Variants in ABI3 observed in about 807,000 individuals in gnomAD.
ABI3 encodes ABI gene family member 3.
Under a neutral mutation model 37.0 loss-of-function variants are expected in ABI3, and 24 were observed. The ratio of observed to expected loss-of-function variants is 0.65; its 90% CI spans 0.47 to 0.91. ABI3 has a LOEUF of 0.91. Ranked by LOEUF, ABI3 falls within the 40% of genes least tolerant of loss-of-function variation. ABI3 has a pLI of 0.00. For synonymous variants in ABI3, 220 were observed against 211.8 expected, an observed-to-expected ratio of 1.04 and a Z score of -0.34; for missense variants, 481 against 485.1, an observed-to-expected ratio of 0.99 and a Z score of 0.08.
chr17:49,214,805 A>G (rs569069354), intron 1 of ABI3, among the ~76,000 whole-genome samples: 2 of 152,378 alleles, frequency 1.3e-5, no homozygotes, highest in East Asian at 3.9e-4. Context: ...TGCCTGGCAC[A>G]GTGCCTAGAA....
intron 3 of ABI3, among the ~76,000 whole-genome samples, chr17:49,218,435 C>T (rs969658754): frequency 1.3e-5 from 2 of 152,154 alleles, no homozygotes; most frequent in Non-Finnish European, 2.9e-5. Context: ...AGAAAGGGCA[C>T]GCACTCACAC....
chr17:49,215,422 TG>T (rs1164551759), intron 1 of ABI3, among the ~76,000 whole-genome samples: 1 of 152,090 alleles, frequency 6.6e-6, no homozygotes, highest in Non-Finnish European at 1.5e-5. Flanking sequence ...CCCTCTGTTC[TG>T]GGCCTCAGTT....
At chr17:49,218,067 C>A in intron 3 of ABI3, 152 bp downstream of exon 3, 1 of 786,228 alleles carries the variant, frequency 1.3e-6, no homozygotes, top group African/African-American at 1.8e-5. Context: ...AGCTCTTCTC[C>A]CTCTCCCTAG....
At position 49,219,790 on chromosome 17, in the gene ABI3, G is replaced by A. The variant is rs1345207750; in HGVS notation, c.549-68G>A. 3.3e-6 allele frequency: 5 copies of A among 1,492,986 alleles called. No individual in the cohort carries two copies. In the South Asian group the frequency reaches 3.6e-5, roughly 11 times the overall value. The allele number at this position is 1,492,986 out of a possible 1,614,324, so 92.5% of individuals were successfully genotyped here. On this transcript the variant is annotated intron_variant, in intron 4 of 7. Coordinates refer to ENST00000225941, the MANE Select transcript of ABI3 (RefSeq NM_016428.3). The surrounding 1 kb of genome is among the most constrained non-coding windows in gnomAD (Gnocchi z 4.3). ...CCTCGGCCACCTGCCCTTCCTGCTC[G>A]CACCCGACCCCTGCTGGCCAGAAGC...
At chr17:49,222,255 G>A (rs367755094) in intron 7 of ABI3, 30 bp downstream of exon 7, 11 of 1,604,734 alleles carry the variant, frequency 6.9e-6, no homozygotes, top group South Asian at 2.2e-5. Context: ...GAGGGGCACC[G>A]GATCCCACTT....
In ABI3 at chr17:49,220,206, G is replaced by T; in HGVS notation, c.682G>T (p.Gly228Trp). Residue 228 changes from glycine (G) to tryptophan (W), a missense_variant, in exon 6 of 8, where the codon GGG (glycine) becomes TGG (tryptophan). Gly to Trp is a radical substitution (Grantham distance 184). Transcript: ENST00000225941. The part of the protein sequence containing the change: ...EGVGGAPTPK[G>W]QAAPPAPPLP... ...TGTCGGTGGGGCCCCCACGCCCAAGGGGCAGGCAGCACCTCCAGCCCCACC... is the reference window on the plus strand; with the variant it reads ...TGTCGGTGGGGCCCCCACGCCCAAGTGGCAGGCAGCACCTCCAGCCCCACC... 6.2e-7 allele frequency: 1 copy of T among 1,612,382 alleles called. No homozygotes were observed. Among genetic ancestry groups the T allele is most frequent in the East Asian group, 2.2e-5 (1 of 44,876 alleles).
At position 49,219,855 on chromosome 17, in the gene ABI3, CAGG is replaced by C; in HGVS notation, c.549_551del (p.Arg184del). 1 of 1,542,194 alleles carries C rather than the reference CAGG, an allele frequency of 6.5e-7. No individual in the cohort carries two copies. Among genetic ancestry groups the C allele is most frequent in the Non-Finnish European group, 8.7e-7 (1 of 1,148,740 alleles). Reference sequence around the variant, plus strand: ...CTAATACCCACTCCCTGCCCCCCGCCAGGAGACCACCCCGGATTCCCGAGCCAG... The same window carrying C: ...CTAATACCCACTCCCTGCCCCCCGCCAGACCACCCCGGATTCCCGAGCCAG... On this transcript the variant is annotated splice_acceptor_variant and coding_sequence_variant, in exon 5 of 8. Coordinates refer to ENST00000225941, the MANE Select transcript of ABI3 (RefSeq NM_016428.3). LOFTEE classifies it high-confidence loss of function. This position sits in a 1 kb window ranked among gnomAD's most constrained non-coding sequence, Gnocchi z 4.3.
In ABI3 at chr17:49,216,688, C is replaced by T. The variant is rs749500177; in HGVS notation, c.275C>T (p.Thr92Met). 9.6e-5 allele frequency: 151 copies of T among 1,569,970 alleles called. No individual in the cohort carries two copies. Among genetic ancestry groups the T allele is most frequent in the Non-Finnish European group, 1.2e-4 (144 of 1,157,076 alleles). Residue 92 changes from threonine to methionine, a missense_variant, in exon 2 of 8, where the codon ACG (threonine) becomes ATG (methionine). Coordinates refer to ENST00000225941, the MANE Select transcript of ABI3 (RefSeq NM_016428.3). Reference protein sequence around the residue: ...ALRQVEARVSTLGQMVNMHME... With the variant: ...ALRQVEARVSMLGQMVNMHME... ...CGGCAGGTGGAAGCCCGTGTAAGCA[C>T]GCTGGGCCAGGTAAGGGGCGTGGGG...
In ABI3 at chr17:49,219,777, G is replaced by A; in HGVS notation, c.549-81G>A. On this transcript the variant is annotated intron_variant, in intron 4 of 7. Transcript: ENST00000225941. This position sits in a 1 kb window ranked among gnomAD's most constrained non-coding sequence, Gnocchi z 4.3. ...CGCCAAACCTCCCCCTCGGCCACCT[G>A]CCCTTCCTGCTCGCACCCGACCCCT... 6.8e-7 allele frequency: 1 copy of A among 1,462,716 alleles called. No individual in the cohort carries two copies. The highest frequency in any genetic ancestry group is 1.8e-4 in the Middle Eastern group (1 of 5,512). The allele number at this position is 1,462,716 out of a possible 1,614,324, so 90.6% of individuals were successfully genotyped here.
rs367805289 is a variant in ABI3, at chr17:49,219,987, G to C, written c.644+34G>C. On this transcript the variant is annotated intron_variant, in intron 5 of 7. Coordinates refer to ENST00000225941, the MANE Select transcript of ABI3 (RefSeq NM_016428.3). The surrounding 1 kb of genome is among the most constrained non-coding windows in gnomAD (Gnocchi z 4.3). ...TACAAGCCCACGTGGGTGGGTGGGG[G>C]GTGGGAAGTGGCTTTTGAGAGGGGC... 5.9e-5 allele frequency: 62 copies of C among 1,056,182 alleles called. No individual in the cohort carries two copies. Among genetic ancestry groups the C allele is most frequent in the Non-Finnish European group, 8.6e-5 (61 of 706,904 alleles). The allele number at this position is 1,056,182 out of a possible 1,614,324, so 65.4% of individuals were successfully genotyped here.
rs781461563 is a variant in ABI3 at position 49,219,906 on chromosome 17, C to A, written c.597C>A (p.Asp199Glu). The part of the protein sequence containing the change: ...PEPVHLPVVP[D>E]GRLSAASSAF... ...CAGTGCACCTGCCGGTGGTGCCCGACGGCAGACTCTCCGCCGCCTCCTCTG... is the reference window on the plus strand; with the variant it reads ...CAGTGCACCTGCCGGTGGTGCCCGAAGGCAGACTCTCCGCCGCCTCCTCTG... Residue 199 changes from aspartate to glutamate, a missense_variant, in exon 5 of 8, where the codon GAC becomes GAA. Asp to Glu is a conservative substitution (Grantham distance 45, BLOSUM62 2). Coordinates refer to ENST00000225941, the MANE Select transcript of ABI3 (RefSeq NM_016428.3). The surrounding 1 kb of genome is among the most constrained non-coding windows in gnomAD (Gnocchi z 4.3). 1 of 1,556,596 alleles carries A rather than the reference C, an allele frequency of 6.4e-7. No individual in the cohort carries two copies. Among genetic ancestry groups the A allele is most frequent in the South Asian group, 1.2e-5 (1 of 85,542 alleles).
At position 49,219,760 on chromosome 17, in the gene ABI3, CT is replaced by C. The variant is rs2043260841; in HGVS notation, c.549-97del. 7.0e-7 allele frequency: 1 copy of C among 1,433,104 alleles called. No individual in the cohort carries two copies. Among genetic ancestry groups the C allele is most frequent in the African/African-American group, 1.4e-5 (1 of 70,818 alleles). The allele number at this position is 1,433,104 out of a possible 1,614,324, so 88.8% of individuals were successfully genotyped here. ...TCATGCTGGATGCCTGGCGCCAAAC[CT>C]CCCCCTCGGCCACCTGCCCTTCCTG... On this transcript the variant is annotated intron_variant, in intron 4 of 7. Transcript: ENST00000225941. This position sits in a 1 kb window ranked among gnomAD's most constrained non-coding sequence, Gnocchi z 4.3.
intron 6 of ABI3, among the ~76,000 whole-genome samples, chr17:49,220,854 A>G (rs2043277934): frequency 1.8e-5 from 1 of 55,554 alleles, no homozygotes; most frequent in African/African-American, 5.7e-5. Context: ...CAAAATAATA[A>G]TAATAATAAT....
rs1336844490 is a variant in ABI3, at chr17:49,219,555, C to A, written c.478C>A (p.Leu160Met). ...GHGIKDLSTQLSRTGTLSRKS... is the reference protein window; with the variant it reads ...GHGIKDLSTQMSRTGTLSRKS... Reference sequence around the variant, plus strand: ...TCCCTCGCAGGACCTCAGCACGCAGCTGTCAAGAACAGGCACCCTGTCTCG... The same window carrying A: ...TCCCTCGCAGGACCTCAGCACGCAGATGTCAAGAACAGGCACCCTGTCTCG... The change falls in exon 4 of 8, where the codon CTG (leucine) becomes ATG (methionine). Residue 160 changes from leucine (L) to methionine (M), a missense_variant. Leu to Met is a conservative substitution (Grantham distance 15, BLOSUM62 2). Coordinates refer to ENST00000225941, the MANE Select transcript of ABI3 (RefSeq NM_016428.3). This position sits in a 1 kb window ranked among gnomAD's most constrained non-coding sequence, Gnocchi z 4.3. 2 of 1,604,674 alleles carry A rather than the reference C, an allele frequency of 1.2e-6. No homozygotes were observed. Among genetic ancestry groups the A allele is most frequent in the Admixed American group, 3.4e-5 (2 of 58,580 alleles).
At chr17:49,220,792 C>T (rs62076380) in intron 6 of ABI3, among the ~76,000 whole-genome samples, 2 of 150,182 alleles carry the variant, frequency 1.3e-5, no homozygotes, top group Admixed American at 6.6e-5. Context: ...TGCAGTGAGC[C>T]GAGATCGCGC....
chr17:49,216,226 A>G (rs78440409), intron 1 of ABI3, among the ~76,000 whole-genome samples: 2,051 of 152,002 alleles, frequency 0.013, 52 homozygotes, highest in African/African-American at 0.046. Context: ...TGAAGTCTTC[A>G]GGAGGGTTGT....
chr17:49,215,620 C>G (rs910549774), intron 1 of ABI3, among the ~76,000 whole-genome samples: 1 of 152,008 alleles, frequency 6.6e-6, no homozygotes, highest in South Asian at 2.1e-4. Flanking sequence ...GCCTCAGCCT[C>G]CTGAGTAGCT....
intron 5 of ABI3, 65 bp from the exon 6 acceptor site, chr17:49,220,104 T>G (rs1598244963): frequency 6.2e-7 from 1 of 1,602,964 alleles, no homozygotes; most frequent in Non-Finnish European, 8.5e-7. Context: ...ATTGGAGGGG[T>G]GGGGCCAGTT....
intron 1 of ABI3, among the ~76,000 whole-genome samples, chr17:49,214,904 G>A (rs2043204933): frequency 2.0e-5 from 3 of 152,288 alleles, no homozygotes; most frequent in African/African-American, 7.2e-5. Context: ...AATCTTTTGC[G>A]TGTTGGGTGT....
Sources: allele counts gnomAD v4.1 joint callset (sites outside exome capture counted in the v4.1 genomes callset), GRCh38; gene constraint gnomAD v4.1.1; non-coding constraint Gnocchi (gnomAD v3.1); transcripts MANE v1.5; gene names NCBI Gene and HGNC (gene_info 2026-07-23, HGNC 2026-07-21).